The following CFAP54 variants were observed in gnomAD, a reference collection of about 807,000 sequenced individuals.
CFAP54 encodes cilia and flagella associated protein 54.
Under a neutral mutation model 370.4 loss-of-function variants are expected in CFAP54, and 290 were observed. That is an observed-to-expected ratio of 0.78 (90% CI 0.71 to 0.86). The LOEUF (loss-of-function observed/expected upper bound fraction) is 0.86, where lower values mean the gene tolerates loss of function less well. Ranked by LOEUF, CFAP54 falls within the 40% of genes least tolerant of loss-of-function variation. The probability of loss-of-function intolerance (pLI) is 0.00; values close to 1 mark genes in which losing one functional copy is unlikely to be tolerated. For missense variants in CFAP54, 3,399 were observed against 3,528.7 expected (o/e 0.96, Z 0.93); for synonymous variants, 1,206 against 1,236.5 (o/e 0.98, Z 0.52).
rs774605312 is a variant in CFAP54 at position 96,743,896 on chromosome 12, A to G, written c.7543A>G (p.Ile2515Val). ...KLNLLTRAHS[I>V]LTEQMLAFGE... Reference sequence around the variant, plus strand: ...AAATTTGTTAACTCGGGCTCATAGCATTCTAACTGAACAGGTGAGAATGCT... The same window carrying G: ...AAATTTGTTAACTCGGGCTCATAGCGTTCTAACTGAACAGGTGAGAATGCT... The change falls in exon 54 of 68, where the codon ATT becomes GTT. Residue 2515 changes from isoleucine to valine, a missense_variant. This residue lies in a region of CFAP54 where 2,796 missense variants were observed against 2,869.7 expected (regional missense o/e 0.97). Coordinates refer to ENST00000524981, the MANE Select transcript of CFAP54 (RefSeq NM_001306084.2). The G allele has an allele frequency of 5.0e-5, 81 of 1,612,614 alleles. No individual in the cohort carries two copies. The South Asian group carries it at 7.9e-4, about 16-fold the overall frequency.
chr12:96,519,013 C>G lies in CFAP54; in HGVS notation c.884C>G (p.Thr295Ser), dbSNP rs530630035. The G allele has an allele frequency of 1.8e-4, 280 of 1,535,996 alleles. 3 individuals carry two copies. The South Asian group carries it at 3.2e-3, about 18-fold the overall frequency. Residue 295 changes from threonine to serine, a missense_variant, in exon 6 of 68, where the codon ACT (threonine) becomes AGT (serine). By Grantham distance (58) the Thr-to-Ser change is moderately conservative. This residue lies in a region of CFAP54 where 559 missense variants were observed against 576.7 expected (regional missense o/e 0.97). Coordinates refer to ENST00000524981, the MANE Select transcript of CFAP54 (RefSeq NM_001306084.2). ...LSLRYLTWRA[T>S]LYTAVCQCCY... ...CTCAGGTACTTGACATGGCGCGCTA[C>G]TCTCTACACAGCTGTTTGCCAGTGC...
chr12:96,811,007 T>G (rs1177495262), intron 63 of CFAP54, among the ~76,000 whole-genome samples: 1 of 152,168 alleles, frequency 6.6e-6, no homozygotes, highest in Non-Finnish European at 1.5e-5. Context: ...TTCTAAGGCC[T>G]TCTAACGTCC....
rs35894490 is a variant in CFAP54, at chr12:96,827,839, T to A, written c.9097-1175T>A. ...ATATATTATATATAGTTATATATAATATATAATTATATATAATACATAGTA... is the reference window on the plus strand; with the variant it reads ...ATATATTATATATAGTTATATATAAAATATAATTATATATAATACATAGTA... On this transcript the variant is annotated intron_variant, in intron 65 of 67. Transcript: ENST00000524981. 2.2e-5 allele frequency among the ~76,000 whole-genome samples: 2 copies of A among 90,138 alleles called. 1 individual carries two copies. Among genetic ancestry groups the A allele is most frequent in the Non-Finnish European group, 4.1e-5 (2 of 49,268 alleles). The allele number at this position is 90,138 out of a possible 152,430, so 59.1% of individuals were successfully genotyped here. A position where few individuals can be genotyped will look rare whatever the true frequency, so the allele number is the denominator to read the frequency against.
intron 22 of CFAP54, among the ~76,000 whole-genome samples, chr12:96,584,843 T>A (rs1273653027): frequency 3.9e-5 from 6 of 152,128 alleles, no homozygotes; most frequent in Non-Finnish European, 8.8e-5. Context: ...TTTCTTGTAT[T>A]TTTCTCTAAA....
intron 3 of CFAP54, among the ~76,000 whole-genome samples, chr12:96,505,062 T>C (rs1455597052): frequency 6.6e-6 from 1 of 151,176 alleles, no homozygotes; most frequent in Non-Finnish European, 1.5e-5. Flanking sequence ...TTCCTTTCTT[T>C]CCTTTCTTTT....
chr12:96,544,495 C>G (rs981234036), intron 14 of CFAP54, among the ~76,000 whole-genome samples: 1 of 151,824 alleles, frequency 6.6e-6, no homozygotes, highest in African/African-American at 2.4e-5. Flanking sequence ...CAAGGATGGC[C>G]ATAGAAACTG....
intron 32 of CFAP54, among the ~76,000 whole-genome samples, chr12:96,635,113 C>T (rs917161212): frequency 8.5e-5 from 13 of 152,122 alleles, no homozygotes; most frequent in East Asian, 1.9e-4. Flanking sequence ...GTCTGTAACA[C>T]GAATTTTAAA....
At chr12:96,664,761 ATATCTATATCTATATC>A (rs1957053512) in intron 39 of CFAP54, among the ~76,000 whole-genome samples, 1 of 64,860 alleles carries the variant, frequency 1.5e-5, no homozygotes, top group African/African-American at 7.2e-5. Context: ...ATATCTATAT[ATATCTATATCTATATC>A]TATATATATA....
chr12:96,518,611 A>G (rs371754799), intron 5 of CFAP54, among the ~76,000 whole-genome samples: 1 of 152,122 alleles, frequency 6.6e-6, no homozygotes, highest in African/African-American at 2.4e-5. Flanking sequence ...AATTGAACCC[A>G]GGGGGCGGAG....
At chr12:96,860,694 C>G in intron 66 of CFAP54, 125 bp from the exon 67 acceptor site, 4 of 949,984 alleles carry the variant, frequency 4.2e-6, no homozygotes, top group Non-Finnish European at 6.0e-6. Flanking sequence ...TTGTGCCTTA[C>G]CTGAGACACA....
intron 60 of CFAP54, among the ~76,000 whole-genome samples, chr12:96,767,146 T>C (rs971518): frequency 0.36 from 55,321 of 152,120 alleles, 10,817 homozygotes; most frequent in East Asian, 0.58. Flanking sequence ...TAGGGAAATA[T>C]ACACTGCTTG....
At chr12:96,866,454 T>G (rs1013262077) in intron 67 of CFAP54, among the ~76,000 whole-genome samples, 11 of 152,136 alleles carry the variant, frequency 7.2e-5, no homozygotes, top group African/African-American at 2.2e-4. Context: ...AATGAATTGC[T>G]TTTGTTCCTG....
At chr12:96,638,745 A>G (rs941724200) in intron 32 of CFAP54, among the ~76,000 whole-genome samples, 3 of 152,098 alleles carry the variant, frequency 2.0e-5, no homozygotes, top group Non-Finnish European at 2.9e-5. Flanking sequence ...TTATTTTTGT[A>G]TATTGACTTT....
chr12:96,860,393 G>T (rs538654829), intron 66 of CFAP54, among the ~76,000 whole-genome samples: 1 of 152,052 alleles, frequency 6.6e-6, no homozygotes, highest in Non-Finnish European at 1.5e-5. Flanking sequence ...GCTCTCGCTC[G>T]TGATAACACG....
Position 96,829,112 on chromosome 12 carries a change from G to T in CFAP54, c.9171+24G>T, listed in dbSNP as rs112719948. On this transcript the variant is annotated intron_variant, in intron 66 of 67. Transcript: ENST00000524981. ...AGGTATGTATTTCTCCTTTAAAATT[G>T]TATCTAATTCACTCACAAGTATTAT... 8.4e-6 allele frequency: 11 copies of T among 1,309,784 alleles called. 1 individual carries two copies. The South Asian group carries it at 1.5e-4, about 17-fold the overall frequency. 81.1% of individuals were successfully genotyped at this position (1,309,784 alleles called of 1,614,324 possible).
intron 15 of CFAP54, among the ~76,000 whole-genome samples, chr12:96,548,892 T>C (rs1955666726): frequency 6.6e-6 from 1 of 151,846 alleles, no homozygotes; most frequent in Non-Finnish European, 1.5e-5. Context: ...TCTTGCTCTG[T>C]TGCCCAGGCT....
At chr12:96,580,719 A>G in intron 21 of CFAP54, 30 bp downstream of exon 21, 1 of 1,348,076 alleles carries the variant, frequency 7.4e-7, no homozygotes, top group East Asian at 2.5e-5. Flanking sequence ...AGGAAATCTT[A>G]CTGAAGCCTT....
intron 38 of CFAP54, among the ~76,000 whole-genome samples, chr12:96,661,638 C>T (rs1454747160): frequency 6.6e-6 from 1 of 152,194 alleles, no homozygotes; most frequent in Non-Finnish European, 1.5e-5. Flanking sequence ...GACTCATCTG[C>T]TTAGGTCAGG....
chr12:96,738,849 A>G (rs989039375), intron 50 of CFAP54, among the ~76,000 whole-genome samples: 1 of 152,038 alleles, frequency 6.6e-6, no homozygotes, highest in Non-Finnish European at 1.5e-5. Context: ...TGACTTCGTG[A>G]TCTGCCTACC....
Sources: gnomAD v4.1 joint callset for allele counts (sites outside exome capture counted in the v4.1 genomes callset) on GRCh38, gnomAD v4.1.1 for gene constraint, gnomAD v4.1.1 regional missense constraint, MANE v1.5 for transcripts, NCBI Gene and HGNC (gene_info 2026-07-23, HGNC 2026-07-21) for gene names.